Variants in BMPR2 observed in about 807,000 individuals in gnomAD.
BMPR2 encodes the protein bone morphogenetic protein receptor type-2.
Under a neutral mutation model 100.8 loss-of-function variants are expected in BMPR2, and 29 were observed. The ratio of observed to expected loss-of-function variants is 0.29; its 90% CI spans 0.21 to 0.39. The LOEUF is 0.39. Among genes scored for constraint, BMPR2 ranks in the 10% least tolerant of loss-of-function variants. The probability of loss-of-function intolerance (pLI) is 1.00; values close to 1 mark genes in which losing one functional copy is unlikely to be tolerated. For synonymous variants in BMPR2, 382 were observed against 442.3 expected (o/e 0.86, Z 1.71); for missense variants, 1,011 against 1,274.5 (o/e 0.79, Z 3.15).
intron 12 of BMPR2, 82 bp from the exon 13 acceptor site, chr2:202,559,614 T>C: frequency 1.4e-6 from 2 of 1,456,222 alleles, no homozygotes; most frequent in Non-Finnish European, 1.9e-6. Flanking sequence ...GACATTGGTT[T>C]GACCTTTTCT....
At chr2:202,446,762 C>G (rs1215916026) in intron 1 of BMPR2, among the ~76,000 whole-genome samples, 1 of 149,042 alleles carries the variant, frequency 6.7e-6, no homozygotes, top group East Asian at 2.0e-4. Flanking sequence ...GTGATTCTTC[C>G]GCCTCAGCCT....
chr2:202,487,021 T>G (rs1401098649), intron 3 of BMPR2, among the ~76,000 whole-genome samples: 4 of 152,236 alleles, frequency 2.6e-5, no homozygotes, highest in Non-Finnish European at 5.9e-5. Context: ...GAAATTATGC[T>G]GTACAAATTA....
At chr2:202,527,222 T>C (rs1056666807) in intron 7 of BMPR2, among the ~76,000 whole-genome samples, 4 of 152,162 alleles carry the variant, frequency 2.6e-5, no homozygotes. Flanking sequence ...ATGCAGTGGC[T>C]CAAGGCTGTA....
chr2:202,393,882 C>CGAGAGAGAGCGAGAGAGAGA (rs1690602718), intron 1 of BMPR2, among the ~76,000 whole-genome samples: 2 of 97,928 alleles, frequency 2.0e-5, no homozygotes, highest in South Asian at 3.7e-4. Flanking sequence ...AATGAGAGAG[C>CGAGAGAGAGCGAGAGAGAGA]GAGAGAGAGA....
chr2:202,487,884 A>G (rs1425409851), intron 3 of BMPR2, among the ~76,000 whole-genome samples: 1 of 152,092 alleles, frequency 6.6e-6, no homozygotes, highest in Non-Finnish European at 1.5e-5. Context: ...CAATTTTTGT[A>G]ATTTTAGGAG....
intron 10 of BMPR2, among the ~76,000 whole-genome samples, chr2:202,543,212 A>ACATATATATTTATATATATATTTATATG (rs1688311230): frequency 6.8e-6 from 1 of 147,088 alleles, no homozygotes. Context: ...ATATTTATAT[A>ACATATATATTTATATATATATTTATATG]CATATATATT....
At chr2:202,381,859 C>G (rs1432898739) in intron 1 of BMPR2, among the ~76,000 whole-genome samples, 1 of 151,546 alleles carries the variant, frequency 6.6e-6, no homozygotes, top group Non-Finnish European at 1.5e-5. Flanking sequence ...AAGACAAAAC[C>G]TTTCCTTCAT....
chr2:202,535,704 A>G (rs1472326508), intron 9 of BMPR2, among the ~76,000 whole-genome samples: 1 of 152,086 alleles, frequency 6.6e-6, no homozygotes, highest in Non-Finnish European at 1.5e-5. Context: ...AGAGGCTGCA[A>G]TCTCAGCACT....
At position 202,385,356 on chromosome 2, in the gene BMPR2, A is replaced by G. The variant is rs1435261980; in HGVS notation, c.76+7806A>G. Among the ~76,000 whole-genome samples, 3 of 136,302 alleles carry G rather than the reference A, an allele frequency of 2.2e-5. No homozygotes were observed. In the East Asian group the frequency reaches 5.9e-4, roughly 27 times the overall value. The allele number at this position is 136,302 out of a possible 152,430, so 89.4% of individuals were successfully genotyped here. On this transcript the variant is annotated intron_variant, in intron 1 of 12. Coordinates refer to ENST00000374580, the MANE Select transcript of BMPR2 (RefSeq NM_001204.7). ...GTATGTTTTCTTCTAATTAAAAAAAAGATGCTTTTTTTTTTTTTTTTTTTT... is the reference window on the plus strand; with the variant it reads ...GTATGTTTTCTTCTAATTAAAAAAAGGATGCTTTTTTTTTTTTTTTTTTTT...
intron 3 of BMPR2, among the ~76,000 whole-genome samples, chr2:202,485,073 C>T (rs13021039): frequency 0.12 from 18,010 of 151,804 alleles, 1,191 homozygotes; most frequent in Admixed American, 0.14. Context: ...GCAATCCTCC[C>T]GACTCGGCCT....
intron 6 of BMPR2, 70 bp from the exon 7 acceptor site, chr2:202,520,017 T>C (rs1236283437): frequency 1.0e-6 from 1 of 955,634 alleles, no homozygotes; most frequent in Non-Finnish European, 1.7e-6. Flanking sequence ...ATAAGGATGC[T>C]AATTTACTCT....
At chr2:202,540,833 CCT>C (rs1688255429) in intron 9 of BMPR2, among the ~76,000 whole-genome samples, 1 of 152,036 alleles carries the variant, frequency 6.6e-6, no homozygotes, top group Non-Finnish European at 1.5e-5. Flanking sequence ...AATGCCTTAT[CCT>C]CTGTCTTGGC....
chr2:202,499,134 G>A (rs1202719269), intron 3 of BMPR2, among the ~76,000 whole-genome samples: 2 of 152,076 alleles, frequency 1.3e-5, no homozygotes, highest in African/African-American at 2.4e-5. Flanking sequence ...ACCTGGGTAC[G>A]TGTCCCCTTC....
At chr2:202,498,883 C>G (rs1478969132) in intron 3 of BMPR2, among the ~76,000 whole-genome samples, 1 of 152,164 alleles carries the variant, frequency 6.6e-6, no homozygotes, top group Non-Finnish European at 1.5e-5. Context: ...TTCGAGCTTT[C>G]TTTTCATTGA....
rs1449774794 is a variant in BMPR2 at position 202,565,540 on chromosome 2, C to A, written c.*5594C>A. The A allele has an allele frequency of 6.6e-6, 1 of 152,428 alleles. No homozygotes were observed. Among genetic ancestry groups the A allele is most frequent in the African/African-American group, 2.4e-5 (1 of 41,402 alleles). 9.4% of individuals were successfully genotyped at this position (152,428 alleles called of 1,614,324 possible). ...TTGTGGAATTTTATGATTTTATATT[C>A]TCATTAGTTATAACTAAAAAGCCAT... On this transcript the variant is annotated 3_prime_UTR_variant, in exon 13 of 13. Coordinates refer to ENST00000374580, the MANE Select transcript of BMPR2 (RefSeq NM_001204.7).
chr2:202,520,378 C>T (rs1242422095), intron 7 of BMPR2, 177 bp downstream of exon 7: 4 of 631,562 alleles, frequency 6.3e-6, no homozygotes, highest in South Asian at 5.9e-5. Context: ...AGAGCTTTCC[C>T]ACGCAGCTGC....
intron 3 of BMPR2, among the ~76,000 whole-genome samples, chr2:202,481,944 C>G (rs1332695807): frequency 1.3e-5 from 2 of 152,206 alleles, no homozygotes; most frequent in Admixed American, 6.5e-5. Context: ...TCTTCACCTT[C>G]AAGTACTGAA....
In BMPR2 at chr2:202,532,589, GC is replaced by G; in HGVS notation, c.1134del (p.Thr379LeufsTer10). ...EEDNAAISEV[G>X]TIRYMAPEVL... is the part of the protein sequence containing the mutation. ...AATATCACTCTAATTTATCAGGTTG[GC>G]ACTATCAGATATATGGCACCAGAAG... On this transcript the variant is annotated frameshift_variant, in exon 9 of 13. Coordinates refer to ENST00000374580, the MANE Select transcript of BMPR2 (RefSeq NM_001204.7). LOFTEE classifies it high-confidence loss of function. The surrounding 1 kb of genome is among the most constrained non-coding windows in gnomAD (Gnocchi z 4.1). The G allele has an allele frequency of 6.2e-7, 1 of 1,613,854 alleles. No homozygotes were observed. Among genetic ancestry groups the G allele is most frequent in the Non-Finnish European group, 8.5e-7 (1 of 1,179,906 alleles).
At chr2:202,394,752 A>G (rs1007674032) in intron 1 of BMPR2, among the ~76,000 whole-genome samples, 2 of 152,114 alleles carry the variant, frequency 1.3e-5, no homozygotes, top group African/African-American at 2.4e-5. Flanking sequence ...TCATATATTT[A>G]TGAAAAATAT....
Sources: allele counts gnomAD v4.1 joint callset (sites outside exome capture counted in the v4.1 genomes callset), GRCh38; gene constraint gnomAD v4.1.1; non-coding constraint Gnocchi (gnomAD v3.1); transcripts MANE v1.5; gene names NCBI Gene and HGNC (gene_info 2026-07-23, HGNC 2026-07-21).